SYDE1: variants seen among roughly 807,000 people sequenced by gnomAD.
SYDE1 encodes synapse defective Rho GTPase activating protein 1, also known as rho GTPase-activating protein SYDE1.
In SYDE1, 34 loss-of-function variants were observed where a neutral mutation model predicts 63.3. That is an observed-to-expected ratio of 0.54 (90% CI 0.41 to 0.71). The LOEUF (loss-of-function observed/expected upper bound fraction) is 0.71. Ranked by LOEUF, SYDE1 falls within the 30% of genes least tolerant of loss-of-function variation. SYDE1 has a pLI of 0.00. For synonymous variants in SYDE1, 467 were observed against 473.4 expected (o/e 0.99, Z 0.18); for missense variants, 925 against 1,042.5 (o/e 0.89, Z 1.55).
Position 15,108,956 on chromosome 19 carries a change from C to G in SYDE1, c.89-100C>G. The G allele has an allele frequency of 7.1e-7, 1 of 1,416,288 alleles. No individual in the cohort carries two copies. Among genetic ancestry groups the G allele is most frequent in the Non-Finnish European group, 9.2e-7 (1 of 1,089,004 alleles). 87.7% of individuals were successfully genotyped at this position (1,416,288 alleles called of 1,614,324 possible). ...GAACCATGACTTATCAGGGGCCGGC[C>G]AGGGCCGTACACAGCATCCCACCCA... is the stretch of plus-strand genomic sequence containing the variant. On this transcript the variant is annotated intron_variant, in intron 1 of 7. Transcript: ENST00000342784. The surrounding 1 kb of genome is among the most constrained non-coding windows in gnomAD (Gnocchi z 4.3).
chr19:15,113,951 C>T lies in SYDE1; in HGVS notation c.2196C>T (p.Asn732=), dbSNP rs756796748. The change falls in exon 8 of 8, where the codon AAC becomes AAT. Residue 732 remains asparagine, a synonymous_variant. Coordinates refer to ENST00000342784, the MANE Select transcript of SYDE1 (RefSeq NM_033025.6). The part of the protein sequence containing the change: ...DLERELSKQI[N]VCL ...AGAGAGAGCTCTCCAAGCAAATCAA[C>T]GTGTGCCTCTGAGCCAGATGACGGG... 1.2e-6 allele frequency: 2 copies of T among 1,611,852 alleles called. No homozygotes were observed. The highest frequency in any genetic ancestry group is 2.2e-5 in the East Asian group (1 of 44,836).
chr19:15,110,879 C>A lies in SYDE1; in HGVS notation c.1290+144C>A. On this transcript the variant is annotated intron_variant, in intron 4 of 7. Transcript: ENST00000342784. The surrounding 1 kb of genome is among the most constrained non-coding windows in gnomAD (Gnocchi z 6.9). ...CCAACCTAGACAAGGGCAGAAGGCG[C>A]CCCCTTGACTGTAGCACCCTGGGCA... The A allele has an allele frequency of 1.4e-6, 1 of 725,962 alleles. No homozygotes were observed. Among genetic ancestry groups the A allele is most frequent in the Non-Finnish European group, 2.2e-6 (1 of 455,718 alleles). 45.0% of individuals were successfully genotyped at this position (725,962 alleles called of 1,614,324 possible).
chr19:15,114,810 G>A lies in SYDE1; in HGVS notation c.*847G>A, dbSNP rs1029742080. On this transcript the variant is annotated 3_prime_UTR_variant, in exon 8 of 8. Transcript: ENST00000342784. ...AGCAGGCGTGTGGGGCTCTTTCAGG[G>A]ACCACAGAGGAGGGAGCAGTTTGCA... 1 of 278,016 alleles carries A rather than the reference G, an allele frequency of 3.6e-6. No individual in the cohort carries two copies. Among genetic ancestry groups the A allele is most frequent in the African/African-American group, 2.2e-5 (1 of 45,418 alleles). The allele number at this position is 278,016 out of a possible 1,614,324, so 17.2% of individuals were successfully genotyped here.
rs116051716 is a variant in SYDE1 at position 15,109,285 on chromosome 19, C to T, written c.318C>T (p.Pro106=). Residue 106 remains proline (P), a synonymous_variant, in exon 2 of 8, where the codon CCC becomes CCT. Transcript: ENST00000342784. The surrounding 1 kb of genome is among the most constrained non-coding windows in gnomAD (Gnocchi z 5.0). ...CTGGGGTACCTGGCACTGGGGAGCC[C>T]GCCGGCGAGATCTGGTACAACCCCA... ...LGPGVPGTGE[P]AGEIWYNPIP... is the part of the protein sequence containing the mutation. 875 of 1,612,962 alleles carry T rather than the reference C, an allele frequency of 5.4e-4. 3 individuals are homozygous for T. The African/African-American group carries it at 9.8e-3, about 18-fold the overall frequency.
chr19:15,109,918 G>C lies in SYDE1; in HGVS notation c.645G>C (p.Pro215=). Residue 215 remains proline, a synonymous_variant, in exon 3 of 8, where the codon CCG becomes CCC. Coordinates refer to ENST00000342784, the MANE Select transcript of SYDE1 (RefSeq NM_033025.6). The surrounding 1 kb of genome is among the most constrained non-coding windows in gnomAD (Gnocchi z 5.0). ...ACAGCAGCGTGGGGGGCCCCGGGCC[G>C]GCAGCAGGGCCTGGGGGCACCCGGA... ...HLDSSVGGPG[P]AAGPGGTRSP... is the part of the protein sequence containing the mutation. 6.8e-7 allele frequency: 1 copy of C among 1,460,108 alleles called. No individual in the cohort carries two copies. The highest frequency in any genetic ancestry group is 9.0e-7 in the Non-Finnish European group (1 of 1,112,616). The allele number at this position is 1,460,108 out of a possible 1,614,324, so 90.4% of individuals were successfully genotyped here.
Position 15,109,860 on chromosome 19 carries a change from C to A in SYDE1, c.587C>A (p.Pro196His). Residue 196 changes from proline (P) to histidine (H), a missense_variant, in exon 3 of 8, where the codon CCT becomes CAT. Coordinates refer to ENST00000342784, the MANE Select transcript of SYDE1 (RefSeq NM_033025.6). This position sits in a 1 kb window ranked among gnomAD's most constrained non-coding sequence, Gnocchi z 5.0. The part of the protein sequence containing the change: ...RAGRERERAA[P>H]AGSVISRYHL... ...GGCAGGGAGCGCGAGAGGGCTGCCC[C>A]TGCGGGCTCCGTCATCAGCCGCTAC... 1 of 1,526,976 alleles carries A rather than the reference C, an allele frequency of 6.5e-7. No homozygotes were observed. The highest frequency in any genetic ancestry group is 8.8e-7 in the Non-Finnish European group (1 of 1,141,944). 94.6% of individuals were successfully genotyped at this position (1,526,976 alleles called of 1,614,324 possible). A position where few individuals can be genotyped will look rare whatever the true frequency, so the allele number is the denominator to read the frequency against.
chr19:15,113,149 C>A (rs535976549), intron 7 of SYDE1, among the ~76,000 whole-genome samples: 1 of 152,270 alleles, frequency 6.6e-6, no homozygotes, highest in African/African-American at 2.4e-5. Flanking sequence ...AGTGATCCAC[C>A]CATTTCAGGC....
In SYDE1 at chr19:15,109,935, G is replaced by A; in HGVS notation, c.662G>A (p.Gly221Asp). Residue 221 changes from glycine (G) to aspartate (D), a missense_variant, in exon 3 of 8, where the codon GGC (glycine) becomes GAC (aspartate). By Grantham distance (94) the Gly-to-Asp change is moderately conservative. Coordinates refer to ENST00000342784, the MANE Select transcript of SYDE1 (RefSeq NM_033025.6). The surrounding 1 kb of genome is among the most constrained non-coding windows in gnomAD (Gnocchi z 5.0). ...CCCGGGCCGGCAGCAGGGCCTGGGG[G>A]CACCCGGAGCCCGAGGGCCGGTTAC... ...GGPGPAAGPGGTRSPRAGYLS... is the reference protein window; with the variant it reads ...GGPGPAAGPGDTRSPRAGYLS... 6.9e-7 allele frequency: 1 copy of A among 1,458,718 alleles called. No homozygotes were observed. The highest frequency in any genetic ancestry group is 1.4e-5 in the South Asian group (1 of 73,492). The allele number at this position is 1,458,718 out of a possible 1,614,324, so 90.4% of individuals were successfully genotyped here.
In SYDE1 at chr19:15,109,701, C is replaced by T; in HGVS notation, c.431-3C>T. 1 of 1,489,454 alleles carries T rather than the reference C, an allele frequency of 6.7e-7. No homozygotes were observed. Among genetic ancestry groups the T allele is most frequent in the African/African-American group, 1.4e-5 (1 of 71,012 alleles). 92.3% of individuals were successfully genotyped at this position (1,489,454 alleles called of 1,614,324 possible). A position where few individuals can be genotyped will look rare whatever the true frequency, so the allele number is the denominator to read the frequency against. On this transcript the variant is annotated splice_region_variant and splice_polypyrimidine_tract_variant and intron_variant, in intron 2 of 7. Transcript: ENST00000342784. The surrounding 1 kb of genome is among the most constrained non-coding windows in gnomAD (Gnocchi z 5.0). ...TGGACCCTGAAGTCTGCTCTCCACA[C>T]AGGTGCAGCCCCCGCCAGCCCCCCA...
chr19:15,110,871 A>G lies in SYDE1; in HGVS notation c.1290+136A>G. 1 of 769,930 alleles carries G rather than the reference A, an allele frequency of 1.3e-6. No individual in the cohort carries two copies. Among genetic ancestry groups the G allele is most frequent in the Non-Finnish European group, 2.0e-6 (1 of 495,082 alleles). The allele number at this position is 769,930 out of a possible 1,614,324, so 47.7% of individuals were successfully genotyped here. ...CTCCAATCCCAACCTAGACAAGGGC[A>G]GAAGGCGCCCCCTTGACTGTAGCAC... On this transcript the variant is annotated intron_variant, in intron 4 of 7. Coordinates refer to ENST00000342784, the MANE Select transcript of SYDE1 (RefSeq NM_033025.6). The surrounding 1 kb of genome is among the most constrained non-coding windows in gnomAD (Gnocchi z 6.9).
At position 15,110,705 on chromosome 19, in the gene SYDE1, C is replaced by G; in HGVS notation, c.1260C>G (p.Cys420Trp). The change falls in exon 4 of 8, where the codon TGC (cysteine) becomes TGG (tryptophan). Residue 420 changes from cysteine to tryptophan, a missense_variant. Cys to Trp is a radical substitution (Grantham distance 215). Coordinates refer to ENST00000342784, the MANE Select transcript of SYDE1 (RefSeq NM_033025.6). This position sits in a 1 kb window ranked among gnomAD's most constrained non-coding sequence, Gnocchi z 6.9. Reference sequence around the variant, plus strand: ...AGGTGCCCCTCATCATCCAGAAGTGCGTTGGGCAGATCGAGCGCCGAGGGC... The same window carrying G: ...AGGTGCCCCTCATCATCCAGAAGTGGGTTGGGCAGATCGAGCGCCGAGGGC... ...PGQVPLIIQK[C>W]VGQIERRGLR... 1 of 1,577,264 alleles carries G rather than the reference C, an allele frequency of 6.3e-7. No individual in the cohort carries two copies. The highest frequency in any genetic ancestry group is 8.6e-7 in the Non-Finnish European group (1 of 1,164,176).
chr19:15,112,863 C>A (rs1249161431), intron 7 of SYDE1, among the ~76,000 whole-genome samples: 1 of 152,146 alleles, frequency 6.6e-6, no homozygotes, highest in Non-Finnish European at 1.5e-5. Flanking sequence ...GGATTATAAA[C>A]CAAATCACCT....
chr19:15,107,587 G>T, intron 1 of SYDE1, 66 bp downstream of exon 1: 2 of 1,253,578 alleles, frequency 1.6e-6, no homozygotes, highest in Non-Finnish European at 2.2e-6. Context: ...GGGGTCCCAG[G>T]GCCCCGAGGA....
At position 15,113,740 on chromosome 19, in the gene SYDE1, TC is replaced by T. The variant is rs767985348; in HGVS notation, c.1987del (p.Leu663CysfsTer16). The T allele has an allele frequency of 1.2e-5, 19 of 1,613,654 alleles. 1 individual carries two copies. The highest frequency in any genetic ancestry group is 1.2e-5 in the Non-Finnish European group (14 of 1,179,858). ...GACTGGAGCGTTTGCGGGCGGGACT[TC>T]CTGCCCTGTGGGCGGGATTTCCTGT... ...AGDWSVCGRD[F>X]LPCGRDFLSG... On this transcript the variant is annotated frameshift_variant, in exon 8 of 8. Transcript: ENST00000342784. LOFTEE classifies it high-confidence loss of function.
Position 15,109,636 on chromosome 19 carries a change from G to T in SYDE1, c.431-68G>T. The stretch of plus-strand genomic sequence containing the variant: ...CAGCCTCACACTCCTTCCCTTCAGG[G>T]GAGCACCAGCCTCACCCCCCTCCCC... On this transcript the variant is annotated intron_variant, in intron 2 of 7. Transcript: ENST00000342784. The surrounding 1 kb of genome is among the most constrained non-coding windows in gnomAD (Gnocchi z 5.0). 9.8e-7 allele frequency: 1 copy of T among 1,018,208 alleles called. No homozygotes were observed. The highest frequency in any genetic ancestry group is 1.4e-6 in the Non-Finnish European group (1 of 717,242). The allele number at this position is 1,018,208 out of a possible 1,614,324, so 63.1% of individuals were successfully genotyped here.
chr19:15,111,652 C>G lies in SYDE1; in HGVS notation c.1438C>G (p.Arg480Gly). 6.2e-7 allele frequency: 1 copy of G among 1,613,950 alleles called. No individual in the cohort carries two copies. The highest frequency in any genetic ancestry group is 8.5e-7 in the Non-Finnish European group (1 of 1,179,950). The change falls in exon 6 of 8, where the codon CGA (arginine) becomes GGA (glycine). Residue 480 changes from arginine to glycine, a missense_variant. By Grantham distance (125) the Arg-to-Gly change is moderately radical. Coordinates refer to ENST00000342784, the MANE Select transcript of SYDE1 (RefSeq NM_033025.6). The surrounding 1 kb of genome is among the most constrained non-coding windows in gnomAD (Gnocchi z 5.5). The stretch of plus-strand genomic sequence containing the variant: ...CACAGGCATCCTCAAGGATTATCTT[C>G]GAGAGTTGCCCACCCCACTCATCAC... Reference protein sequence around the residue: ...VITGILKDYLRELPTPLITQP... With the variant: ...VITGILKDYLGELPTPLITQP...
chr19:15,111,537 C>A lies in SYDE1; in HGVS notation c.1418-95C>A. 1 of 1,596,436 alleles carries A rather than the reference C, an allele frequency of 6.3e-7. No homozygotes were observed. Among genetic ancestry groups the A allele is most frequent in the South Asian group, 1.1e-5 (1 of 88,922 alleles). On this transcript the variant is annotated intron_variant, in intron 5 of 7. Transcript: ENST00000342784. This position sits in a 1 kb window ranked among gnomAD's most constrained non-coding sequence, Gnocchi z 5.5. ...TGGGACCTCAGTCCTCCTATCTGAC[C>A]TTGCTTTCACCCACCTCCTCTTCCC...
chr19:15,113,144 T>C (rs191987757), intron 7 of SYDE1, among the ~76,000 whole-genome samples: 8 of 152,306 alleles, frequency 5.3e-5, no homozygotes, highest in Non-Finnish European at 1.0e-4. Flanking sequence ...CCTCAAGTGA[T>C]CCACCCATTT....
chr19:15,109,715 G>A lies in SYDE1; in HGVS notation c.442G>A (p.Ala148Thr), dbSNP rs866999751. 2.0e-6 allele frequency: 3 copies of A among 1,505,592 alleles called. No homozygotes were observed. The highest frequency in any genetic ancestry group is 8.9e-7 in the Non-Finnish European group (1 of 1,125,232). The allele number at this position is 1,505,592 out of a possible 1,614,324, so 93.3% of individuals were successfully genotyped here. A position where few individuals can be genotyped will look rare whatever the true frequency, so the allele number is the denominator to read the frequency against. Residue 148 changes from alanine (A) to threonine (T), a missense_variant, in exon 3 of 8, where the codon GCC becomes ACC. By Grantham distance (58) the Ala-to-Thr change is moderately conservative. Transcript: ENST00000342784. The surrounding 1 kb of genome is among the most constrained non-coding windows in gnomAD (Gnocchi z 5.0). The part of the protein sequence containing the change: ...EGLAPQGAAP[A>T]SPPTKASRTK... Reference sequence around the variant, plus strand: ...TGCTCTCCACACAGGTGCAGCCCCCGCCAGCCCCCCAACCAAAGCCTCCCG... The same window carrying A: ...TGCTCTCCACACAGGTGCAGCCCCCACCAGCCCCCCAACCAAAGCCTCCCG...
Sources: allele counts gnomAD v4.1 joint callset (sites outside exome capture counted in the v4.1 genomes callset), GRCh38; gene constraint gnomAD v4.1.1; non-coding constraint Gnocchi (gnomAD v3.1); transcripts MANE v1.5; gene names NCBI Gene and HGNC (gene_info 2026-07-23, HGNC 2026-07-21).